Variants in TRIO observed in about 807,000 individuals in gnomAD.
The protein encoded by TRIO is triple functional domain protein.
TRIO carries 58 observed loss-of-function variants against 351.9 expected under a neutral mutation model. The observed-to-expected ratio is 0.16, with a 90% confidence interval of 0.13 to 0.21. The LOEUF (loss-of-function observed/expected upper bound fraction) is 0.21, where lower values mean the gene tolerates loss of function less well. Among genes scored for constraint, TRIO ranks in the 10% least tolerant of loss-of-function variants. The probability of loss-of-function intolerance (pLI) is 1.00; values close to 1 mark genes in which losing one functional copy is unlikely to be tolerated. For missense variants in TRIO, 3,201 were observed against 4,027.8 expected, an observed-to-expected ratio of 0.79 and a Z score of 5.56; for synonymous variants, 1,758 against 1,595.7, an observed-to-expected ratio of 1.10 and a Z score of -2.42.
Position 14,465,625 on chromosome 5 carries a change from C to G in TRIO, c.5748C>G (p.Leu1916=), listed in dbSNP as rs370130105. 6.2e-7 allele frequency: 1 copy of G among 1,614,058 alleles called. No homozygotes were observed. The highest frequency in any genetic ancestry group is 8.5e-7 in the Non-Finnish European group (1 of 1,180,020). The change falls in exon 37 of 57, where the codon CTC becomes CTG. Residue 1916 remains leucine (L), a synonymous_variant. Transcript: ENST00000344204. The part of the protein sequence containing the change: ...AAELVSAIEE[L]VKSKMALEDR... ...AGCTCGTCAGTGCAATTGAGGAACT[C>G]GTGAAAAGCAAGATGGTGAGGCCTC...
At chr5:14,370,064 G>C (rs1744946387) in intron 18 of TRIO, among the ~76,000 whole-genome samples, 1 of 152,002 alleles carries the variant, frequency 6.6e-6, no homozygotes, top group Non-Finnish European at 1.5e-5. Context: ...TTTTCTCTCT[G>C]AGAAGCTTTA....
At chr5:14,469,155 A>G (rs1333556670) in intron 37 of TRIO, among the ~76,000 whole-genome samples, 3 of 152,226 alleles carry the variant, frequency 2.0e-5, no homozygotes, top group Non-Finnish European at 4.4e-5. Flanking sequence ...AAACAACAAA[A>G]TAAACCAAAG....
At position 14,291,204 on chromosome 5, in the gene TRIO, G is replaced by A. The variant is rs1373850452; in HGVS notation, c.1029G>A (p.Arg343=). ...KLKLDQCFQL[R]LFEQDAEKMF... Reference sequence around the variant, plus strand: ...AGCTGGACCAGTGCTTCCAGCTGAGGCTGTTTGAACAGGATGCTGAGAAGG... The same window carrying A: ...AGCTGGACCAGTGCTTCCAGCTGAGACTGTTTGAACAGGATGCTGAGAAGG... The change falls in exon 5 of 57, where the codon AGG becomes AGA. Residue 343 remains arginine (R), a synonymous_variant. Transcript: ENST00000344204. 6.2e-7 allele frequency: 1 copy of A among 1,613,978 alleles called. No homozygotes were observed. The highest frequency in any genetic ancestry group is 8.5e-7 in the Non-Finnish European group (1 of 1,179,906).
At chr5:14,247,686 G>A (rs1407356039) in intron 1 of TRIO, among the ~76,000 whole-genome samples, 1 of 152,184 alleles carries the variant, frequency 6.6e-6, no homozygotes, top group Non-Finnish European at 1.5e-5. Context: ...GTGCTAAGAA[G>A]AGCATGCTAT....
At chr5:14,432,362 G>A (rs915690563) in intron 34 of TRIO, among the ~76,000 whole-genome samples, 1 of 152,234 alleles carries the variant, frequency 6.6e-6, no homozygotes, top group African/African-American at 2.4e-5. Flanking sequence ...TTGGTGCAGG[G>A]AGGAAGCTGA....
At chr5:14,473,812 A>G (rs1266211526) in intron 39 of TRIO, among the ~76,000 whole-genome samples, 182 bp from the exon 40 acceptor site, 3 of 152,244 alleles carry the variant, frequency 2.0e-5, no homozygotes, top group Non-Finnish European at 2.9e-5. Context: ...TGTAATAGGT[A>G]TATTCCAAGT....
chr5:14,489,409 G>A (rs1240020194), intron 48 of TRIO, among the ~76,000 whole-genome samples: 4 of 152,232 alleles, frequency 2.6e-5, no homozygotes, highest in African/African-American at 7.2e-5. Flanking sequence ...TTTCAGTTAG[G>A]TTGGACGTGC....
intron 45 of TRIO, 93 bp from the exon 46 acceptor site, chr5:14,482,489 C>A: frequency 1.0e-6 from 1 of 996,448 alleles, no homozygotes; most frequent in Non-Finnish European, 1.3e-6. Flanking sequence ...TACATTATTC[C>A]ATAGGAGGAA....
At chr5:14,371,133 G>GTAAC (rs1314906791) in intron 18 of TRIO, among the ~76,000 whole-genome samples, 1 of 152,216 alleles carries the variant, frequency 6.6e-6, no homozygotes, top group Admixed American at 6.5e-5. Flanking sequence ...GCAGGCCAGG[G>GTAAC]TAACTGTAGG....
intron 11 of TRIO, among the ~76,000 whole-genome samples, chr5:14,338,793 G>A (rs1333883769): frequency 4.6e-5 from 7 of 152,156 alleles, no homozygotes; most frequent in Non-Finnish European, 8.8e-5. Context: ...GTGGCTGAGA[G>A]GCCAAATCGA....
At chr5:14,214,425 A>G (rs73057539) in intron 1 of TRIO, among the ~76,000 whole-genome samples, 6,372 of 152,288 alleles carry the variant, frequency 0.042, 461 homozygotes, top group African/African-American at 0.15. Context: ...CTCAGACTCC[A>G]GTATTGAGAA....
At chr5:14,450,854 A>G (rs1474081008) in intron 34 of TRIO, among the ~76,000 whole-genome samples, 2 of 152,210 alleles carry the variant, frequency 1.3e-5, no homozygotes, top group Admixed American at 6.5e-5. Flanking sequence ...CGCAGTGTCC[A>G]TTCTAAATCT....
At chr5:14,297,385 G>A in intron 7 of TRIO, 122 bp downstream of exon 7, 3 of 1,173,340 alleles carry the variant, frequency 2.6e-6, no homozygotes, top group East Asian at 2.6e-5. Context: ...TGTGAGCTCT[G>A]AAGTCACTTG....
At position 14,304,496 on chromosome 5, in the gene TRIO, C is replaced by T. The variant is rs1014767267; in HGVS notation, c.1404C>T (p.Cys468=). 41 of 1,613,502 alleles carry T rather than the reference C, an allele frequency of 2.5e-5. 1 individual carries two copies. In the African/African-American group the frequency reaches 2.9e-4, roughly 12 times the overall value. Residue 468 remains cysteine, a synonymous_variant, in exon 8 of 57, where the codon TGC becomes TGT. Transcript: ENST00000344204. ...MSNVDSWCKA[C]GEVDLPSELQ... is the part of the protein sequence containing the mutation. ...ACGTGGATTCATGGTGTAAAGCTTGCGGTGAGGTAGACCTTCCCTCAGAGC... is the reference window on the plus strand; with the variant it reads ...ACGTGGATTCATGGTGTAAAGCTTGTGGTGAGGTAGACCTTCCCTCAGAGC...
intron 1 of TRIO, among the ~76,000 whole-genome samples, chr5:14,172,684 A>G (rs965294922): frequency 8.5e-5 from 13 of 152,248 alleles, no homozygotes; most frequent in African/African-American, 2.7e-4. Context: ...ACTGAGGTGG[A>G]AGGCTTTTTC....
intron 9 of TRIO, among the ~76,000 whole-genome samples, chr5:14,326,287 A>T (rs185633137): frequency 4.6e-4 from 70 of 152,354 alleles, no homozygotes; most frequent in African/African-American, 1.6e-3. Flanking sequence ...TGCCACCATC[A>T]CGTTCAGTCT....
At chr5:14,412,732 G>A (rs1300204190) in intron 33 of TRIO, among the ~76,000 whole-genome samples, 1 of 152,176 alleles carries the variant, frequency 6.6e-6, no homozygotes, top group African/African-American at 2.4e-5. Flanking sequence ...TCCACAGGAT[G>A]GTGCTTATTT....
chr5:14,411,120 G>T (rs956909135), intron 33 of TRIO, among the ~76,000 whole-genome samples: 13 of 152,174 alleles, frequency 8.5e-5, no homozygotes, highest in African/African-American at 3.1e-4. Context: ...CAGGCCCTCT[G>T]CAAGGCCTCC....
chr5:14,300,276 A>G (rs1202004079), intron 7 of TRIO, among the ~76,000 whole-genome samples: 1 of 152,250 alleles, frequency 6.6e-6, no homozygotes, highest in East Asian at 1.9e-4. Context: ...AGCTTAAAAT[A>G]TCTTTTTACT....
Sources: allele counts gnomAD v4.1 joint callset (sites outside exome capture counted in the v4.1 genomes callset), GRCh38; gene constraint gnomAD v4.1.1; transcripts MANE v1.5; gene names NCBI Gene and HGNC (gene_info 2026-07-23, HGNC 2026-07-21).